EWSR1: variants seen among roughly 807,000 people sequenced by gnomAD.
EWSR1 encodes RNA-binding protein EWS.
In EWSR1, 14 loss-of-function variants were observed where a neutral mutation model predicts 92.1. The ratio of observed to expected loss-of-function variants is 0.15; its 90% CI spans 0.10 to 0.24. The LOEUF is 0.24. Among genes scored for constraint, EWSR1 ranks in the 10% least tolerant of loss-of-function variants. The pLI, the probability that EWSR1 is intolerant of heterozygous loss-of-function variation, is 1.00. For synonymous variants in EWSR1, 303 were observed against 292.9 expected, an observed-to-expected ratio of 1.03 and a Z score of -0.35; for missense variants, 637 against 870.9, an observed-to-expected ratio of 0.73 and a Z score of 3.38.
chr22:29,296,591 A>G (rs1287222171), intron 12 of EWSR1, among the ~76,000 whole-genome samples: 1 of 152,250 alleles, frequency 6.6e-6, no homozygotes, highest in Non-Finnish European at 1.5e-5. Flanking sequence ...TTAAAGTGGC[A>G]AACACTTCCT....
chr22:29,289,493 C>T lies in EWSR1; in HGVS notation c.974+707C>T, dbSNP rs1207985970. 1.3e-5 allele frequency: 3 copies of T among 232,526 alleles called. No homozygotes were observed. In the Admixed American group the frequency reaches 1.7e-4, roughly 13 times the overall value. The allele number at this position is 232,526 out of a possible 1,614,324, so 14.4% of individuals were successfully genotyped here. A position where few individuals can be genotyped will look rare whatever the true frequency, so the allele number is the denominator to read the frequency against. ...GACATAACCCTGCTGCCTCTGCCTG[C>T]CCTTCCCCTCCCTTCTCCCATCCCC... On this transcript the variant is annotated intron_variant, in intron 8 of 16. Coordinates refer to ENST00000397938, the MANE Select transcript of EWSR1 (RefSeq NM_005243.4).
chr22:29,292,704 C>T, intron 11 of EWSR1, 98 bp downstream of exon 11: 1 of 654,820 alleles, frequency 1.5e-6, no homozygotes, highest in Non-Finnish European at 2.7e-6. Context: ...CTAAGGTTGC[C>T]TTTGCCTGAC....
intron 10 of EWSR1, 80 bp from the exon 11 acceptor site, chr22:29,292,408 C>T (rs2060503970): frequency 5.0e-6 from 5 of 996,250 alleles, no homozygotes; most frequent in African/African-American, 4.8e-5. Context: ...GATGAATATC[C>T]TTGGGCAGTA....
chr22:29,296,992 G>A (rs539190598), intron 12 of EWSR1, among the ~76,000 whole-genome samples: 3 of 152,352 alleles, frequency 2.0e-5, no homozygotes, highest in Admixed American at 2.0e-4. Context: ...TGAAGCTCCA[G>A]TGAGCTGAGA....
At chr22:29,288,903 T>A (rs1034847962) in intron 8 of EWSR1, 117 bp downstream of exon 8, 3 of 1,028,136 alleles carry the variant, frequency 2.9e-6, no homozygotes, top group Non-Finnish European at 4.1e-6. Flanking sequence ...GGACAATCTG[T>A]TGAGCTCAAG....
chr22:29,298,534 G>A (rs1335140123), intron 13 of EWSR1, among the ~76,000 whole-genome samples, 199 bp from the exon 14 acceptor site: 11 of 151,628 alleles, frequency 7.3e-5, no homozygotes, highest in Admixed American at 7.2e-4. Context: ...AATTGTGGGA[G>A]CTCTGTTTCT....
chr22:29,273,939 T>A, intron 4 of EWSR1, 75 bp downstream of exon 4: 1 of 1,580,184 alleles, frequency 6.3e-7, no homozygotes, highest in African/African-American at 1.4e-5. Flanking sequence ...AGTCATGCTT[T>A]CGGATGTATA....
intron 3 of EWSR1, among the ~76,000 whole-genome samples, chr22:29,272,636 C>T (rs1357482758): frequency 1.3e-5 from 2 of 152,172 alleles, no homozygotes. Flanking sequence ...ATAATTGACT[C>T]TTTATAACTT....
chr22:29,295,365 T>C (rs960627539), intron 11 of EWSR1, among the ~76,000 whole-genome samples: 1 of 152,170 alleles, frequency 6.6e-6, no homozygotes, highest in African/African-American at 2.4e-5. Context: ...ACATGTGTAA[T>C]CCCAGCACTT....
At chr22:29,274,312 GA>G in intron 4 of EWSR1, 1 of 1,612,146 alleles carries the variant, frequency 6.2e-7, no homozygotes, top group East Asian at 2.2e-5. Context: ...TCTTGCATGG[GA>G]AATGCTTTCC....
intron 1 of EWSR1, among the ~76,000 whole-genome samples, chr22:29,270,655 C>T (rs1226008428): frequency 1.3e-5 from 2 of 152,254 alleles, no homozygotes; most frequent in East Asian, 1.9e-4. Context: ...ACTGCTCTTG[C>T]GTAAAAGTCG....
intron 8 of EWSR1, chr22:29,290,087 C>A (rs147132555): frequency 3.9e-6 from 1 of 257,820 alleles, no homozygotes; most frequent in Non-Finnish European, 7.4e-6. Flanking sequence ...TATAATCCTA[C>A]TAATTGTGCT....
chr22:29,299,924 G>T, intron 16 of EWSR1, 73 bp downstream of exon 16: 3 of 1,535,980 alleles, frequency 2.0e-6, no homozygotes, highest in South Asian at 1.2e-5. Flanking sequence ...CTTGGTTGGC[G>T]CAAGTCCTCA....
At chr22:29,288,913 G>A (rs1371453024) in intron 8 of EWSR1, 127 bp downstream of exon 8, 5 of 903,320 alleles carry the variant, frequency 5.5e-6, no homozygotes, top group Non-Finnish European at 7.9e-6. Context: ...TTGAGCTCAA[G>A]CCATCTTCTA....
intron 5 of EWSR1, among the ~76,000 whole-genome samples, chr22:29,279,119 AAG>A (rs766727870): frequency 9.9e-5 from 15 of 151,732 alleles, no homozygotes; most frequent in South Asian, 2.1e-4. Context: ...AACCCAGAAG[AAG>A]AGAGAGAGAG....
intron 13 of EWSR1, among the ~76,000 whole-genome samples, chr22:29,298,424 T>C (rs1362413759): frequency 6.6e-6 from 1 of 151,024 alleles, no homozygotes; most frequent in Admixed American, 6.6e-5. Flanking sequence ...GAGAATTGTT[T>C]GAATCTGGGG....
At chr22:29,270,750 G>A (rs945269038) in intron 1 of EWSR1, among the ~76,000 whole-genome samples, 8 of 152,154 alleles carry the variant, frequency 5.3e-5, no homozygotes, top group Admixed American at 2.0e-4. Flanking sequence ...TAAAATATTT[G>A]ATGTTAAATG....
chr22:29,290,756 A>G, intron 8 of EWSR1: 3 of 1,096,086 alleles, frequency 2.7e-6, no homozygotes, highest in East Asian at 7.2e-5. Flanking sequence ...GAAATTGTAT[A>G]TTCAGGTATT....
intron 15 of EWSR1, 84 bp from the exon 16 acceptor site, chr22:29,299,515 A>G: frequency 6.7e-7 from 1 of 1,502,258 alleles, no homozygotes; most frequent in African/African-American, 1.4e-5. Context: ...GCTGTGAGAG[A>G]AGGAAGCAGA....
Sources: allele counts gnomAD v4.1 joint callset (sites outside exome capture counted in the v4.1 genomes callset), GRCh38; gene constraint gnomAD v4.1.1; transcripts MANE v1.5; gene names NCBI Gene and HGNC (gene_info 2026-07-23, HGNC 2026-07-21).